Variants in PTPRG observed in about 807,000 individuals in gnomAD.
PTPRG encodes receptor-type tyrosine-protein phosphatase gamma.
In PTPRG, 102 loss-of-function variants were observed where a neutral mutation model predicts 165.3. That is an observed-to-expected ratio of 0.62 (90% CI 0.53 to 0.73). The LOEUF is 0.73. Ranked by LOEUF, PTPRG falls within the 30% of genes least tolerant of loss-of-function variation. The pLI, the probability that PTPRG is intolerant of heterozygous loss-of-function variation, is 0.00. For missense variants in PTPRG, 1,866 were observed against 1,861.4 expected, an observed-to-expected ratio of 1.00 and a Z score of -0.05; for synonymous variants, 675 against 669.5, an observed-to-expected ratio of 1.01 and a Z score of -0.13.
chr3:61,855,445 G>A (rs1559650763), intron 2 of PTPRG, among the ~76,000 whole-genome samples: 2 of 152,118 alleles, frequency 1.3e-5, no homozygotes, highest in Admixed American at 1.3e-4. Context: ...CCCAAGTCTG[G>A]TGGTTTTCAA....
At chr3:61,582,984 C>T (rs1700339485) in intron 1 of PTPRG, among the ~76,000 whole-genome samples, 2 of 152,172 alleles carry the variant, frequency 1.3e-5, no homozygotes, top group African/African-American at 4.8e-5. Context: ...TACGGGTATC[C>T]TGGCTGGTAT....
At chr3:61,790,206 G>C (rs1026034377) in intron 2 of PTPRG, among the ~76,000 whole-genome samples, 3 of 152,186 alleles carry the variant, frequency 2.0e-5, no homozygotes, top group African/African-American at 7.2e-5. Context: ...CCTGAGGCTA[G>C]ATGGTTTTTC....
chr3:62,003,245 AATTC>A, intron 3 of PTPRG, 100 bp from the exon 4 acceptor site: 1 of 1,323,498 alleles, frequency 7.6e-7, no homozygotes, highest in Non-Finnish European at 1.0e-6. Flanking sequence ...ATGAGGACAT[AATTC>A]ATATCATGGT....
chr3:62,103,717 A>G lies in PTPRG; in HGVS notation c.615+25459A>G, dbSNP rs184035875. On this transcript the variant is annotated intron_variant, in intron 5 of 29. Transcript: ENST00000474889. ...GTATCTGTGTCTGCATTTTGATGAC[A>G]CCTGTCATCAGAGAATCTAGGCACA... Among the ~76,000 whole-genome samples the G allele has an allele frequency of 2.0e-4, 30 of 152,304 alleles. No homozygotes were observed. The East Asian group carries it at 5.2e-3, about 26-fold the overall frequency.
intron 1 of PTPRG, among the ~76,000 whole-genome samples, chr3:61,636,802 CTCTG>C (rs1236500756): frequency 6.6e-6 from 1 of 152,122 alleles, no homozygotes; most frequent in Non-Finnish European, 1.5e-5. Context: ...TGAAACACTG[CTCTG>C]TCTGCTCCTG....
intron 4 of PTPRG, among the ~76,000 whole-genome samples, chr3:62,018,389 T>C (rs887372029): frequency 8.5e-5 from 13 of 152,336 alleles, no homozygotes; most frequent in African/African-American, 3.1e-4. Flanking sequence ...TCCATTGTGC[T>C]CAATCTCACC....
chr3:61,691,322 G>A (rs775196945), intron 1 of PTPRG, among the ~76,000 whole-genome samples: 7 of 152,086 alleles, frequency 4.6e-5, no homozygotes, highest in African/African-American at 7.2e-5. Flanking sequence ...CAAGAGGATC[G>A]CTTAAGCCCA....
At chr3:61,941,420 C>T (rs1479536251) in intron 2 of PTPRG, among the ~76,000 whole-genome samples, 4 of 152,044 alleles carry the variant, frequency 2.6e-5, no homozygotes, top group Admixed American at 6.5e-5. Context: ...GTTAGGAGAT[C>T]GAGACCGTCC....
At chr3:62,209,060 A>G (rs1559652926) in intron 12 of PTPRG, among the ~76,000 whole-genome samples, 1 of 152,236 alleles carries the variant, frequency 6.6e-6, no homozygotes, top group African/African-American at 2.4e-5. Flanking sequence ...AGAATGAGCA[A>G]TGCCAGATGA....
chr3:61,779,290 G>A (rs977821923), intron 2 of PTPRG, among the ~76,000 whole-genome samples: 1 of 152,196 alleles, frequency 6.6e-6, no homozygotes, highest in African/African-American at 2.4e-5. Context: ...GGAGGAAAAA[G>A]TGGAAGATAT....
intron 1 of PTPRG, among the ~76,000 whole-genome samples, chr3:61,585,661 G>A (rs1403887188): frequency 6.6e-6 from 1 of 151,956 alleles, no homozygotes; most frequent in Non-Finnish European, 1.5e-5. Context: ...GTGGGAGGAT[G>A]GCTTCAGCCC....
rs559212105 is a variant in PTPRG at position 62,285,409 on chromosome 3, C to T, written c.4055+2540C>T. 3.3e-5 allele frequency among the ~76,000 whole-genome samples: 5 copies of T among 150,692 alleles called. No individual in the cohort carries two copies. In the East Asian group the frequency reaches 9.8e-4, roughly 30 times the overall value. On this transcript the variant is annotated intron_variant, in intron 28 of 29. Coordinates refer to ENST00000474889, the MANE Select transcript of PTPRG (RefSeq NM_002841.4). ...AACAGGCTTGGAGAGAAGGCCTGCA[C>T]GCATTTGATCTGTGAGGCAGAGAGT...
At chr3:61,732,249 T>C (rs1048185838) in intron 1 of PTPRG, among the ~76,000 whole-genome samples, 1 of 152,208 alleles carries the variant, frequency 6.6e-6, no homozygotes, top group Admixed American at 6.5e-5. Flanking sequence ...TGATGAGATA[T>C]TTTGCCTTTT....
At chr3:61,940,992 G>A (rs2039613271) in intron 2 of PTPRG, among the ~76,000 whole-genome samples, 1 of 152,138 alleles carries the variant, frequency 6.6e-6, no homozygotes. Flanking sequence ...GAGTTCTGTA[G>A]TTGAGATCAG....
chr3:62,170,607 A>G (rs1705180432), intron 8 of PTPRG, among the ~76,000 whole-genome samples: 1 of 152,228 alleles, frequency 6.6e-6, no homozygotes, highest in Non-Finnish European at 1.5e-5. Context: ...GAATTTGACC[A>G]CAACCACAGA....
chr3:61,635,933 A>G (rs762780325), intron 1 of PTPRG, among the ~76,000 whole-genome samples: 2 of 152,180 alleles, frequency 1.3e-5, no homozygotes, highest in African/African-American at 2.4e-5. Context: ...TTATTTTCCA[A>G]ATCCCAAGAA....
At chr3:62,282,149 A>C (rs1040464185) in intron 27 of PTPRG, among the ~76,000 whole-genome samples, 3 of 152,036 alleles carry the variant, frequency 2.0e-5, no homozygotes, top group African/African-American at 7.2e-5. Flanking sequence ...AATTTTATAA[A>C]TAAGAAAATA....
At chr3:61,831,283 G>T (rs2036285741) in intron 2 of PTPRG, among the ~76,000 whole-genome samples, 2 of 152,180 alleles carry the variant, frequency 1.3e-5, no homozygotes, top group Admixed American at 1.3e-4. Context: ...CACAACTTTT[G>T]TGAAAGAGCA....
At chr3:61,904,750 C>A (rs2038597813) in intron 2 of PTPRG, among the ~76,000 whole-genome samples, 1 of 152,170 alleles carries the variant, frequency 6.6e-6, no homozygotes, top group Non-Finnish European at 1.5e-5. Context: ...CCAAGAAAGG[C>A]ATTGCATATG....
Sources: allele counts gnomAD v4.1 joint callset (sites outside exome capture counted in the v4.1 genomes callset), GRCh38; gene constraint gnomAD v4.1.1; transcripts MANE v1.5; gene names NCBI Gene and HGNC (gene_info 2026-07-23, HGNC 2026-07-21).